RCAN1: variants seen among roughly 807,000 people sequenced by gnomAD.
RCAN1 encodes the protein regulator of calcineurin 1.
In RCAN1, 11 loss-of-function variants were observed where a neutral mutation model predicts 22.9. That is an observed-to-expected ratio of 0.48 (90% CI 0.30 to 0.79). The LOEUF (loss-of-function observed/expected upper bound fraction) is 0.79, where lower values mean the gene tolerates loss of function less well. Among genes scored for constraint, RCAN1 ranks in the 30% least tolerant of loss-of-function variants. The pLI, the probability that RCAN1 is intolerant of heterozygous loss-of-function variation, is 0.06. For synonymous variants in RCAN1, 136 were observed against 142.3 expected (o/e 0.96, Z 0.32); for missense variants, 291 against 337.8 (o/e 0.86, Z 1.09).
chr21:34,520,821 T>C (rs1342449532), intron 3 of RCAN1, among the ~76,000 whole-genome samples: 2 of 152,258 alleles, frequency 1.3e-5, no homozygotes, highest in Non-Finnish European at 2.9e-5. Context: ...TTTCACTCGA[T>C]GATCTCATCT....
In RCAN1 at chr21:34,615,101, C is replaced by T; in HGVS notation, c.-90G>A. On this transcript the variant is annotated 5_prime_UTR_variant, in exon 1 of 4. Transcript: ENST00000313806. ...CGCGCTCCGGTCCGCGCCCGGCCGG[C>T]GGCTCCGCCGTTAACCCCCTCGGAA... 1.0e-6 allele frequency: 1 copy of T among 986,268 alleles called. No homozygotes were observed. The highest frequency in any genetic ancestry group is 1.1e-4 in the East Asian group (1 of 9,116). The allele number at this position is 986,268 out of a possible 1,614,324, so 61.1% of individuals were successfully genotyped here.
intron 1 of RCAN1, among the ~76,000 whole-genome samples, chr21:34,571,690 G>T (rs1987238690): frequency 6.6e-6 from 1 of 152,060 alleles, no homozygotes; most frequent in Non-Finnish European, 1.5e-5. Flanking sequence ...TGAGTAGCTG[G>T]GACTACAGGT....
At chr21:34,565,920 A>G (rs1027614311) in intron 1 of RCAN1, among the ~76,000 whole-genome samples, 6 of 152,158 alleles carry the variant, frequency 3.9e-5, no homozygotes, top group African/African-American at 9.7e-5. Context: ...TTGCTCCCCA[A>G]TGTGTGTGTG....
chr21:34,565,697 C>T lies in RCAN1; in HGVS notation c.253-41987G>A, dbSNP rs538310980. On this transcript the variant is annotated intron_variant, in intron 1 of 3. Coordinates refer to ENST00000313806, the MANE Select transcript of RCAN1 (RefSeq NM_004414.7). ...CATAGCCCCAGAACTCTTTCCTGAC[C>T]AACACATTCATTTTTTGTCATTTTA... 2.0e-5 allele frequency among the ~76,000 whole-genome samples: 3 copies of T among 152,254 alleles called. No homozygotes were observed. In the South Asian group the frequency reaches 6.2e-4, roughly 32 times the overall value.
intron 1 of RCAN1, chr21:34,525,499 T>G: frequency 1.0e-6 from 1 of 956,216 alleles, no homozygotes; most frequent in Non-Finnish European, 1.5e-6. Flanking sequence ...ATTTGGAATT[T>G]TGTATGACCT....
chr21:34,573,536 G>T (rs62211899), intron 1 of RCAN1, among the ~76,000 whole-genome samples: 2 of 152,074 alleles, frequency 1.3e-5, no homozygotes, highest in Non-Finnish European at 2.9e-5. Flanking sequence ...GGGTCAAACT[G>T]CCAGTCACCA....
At chr21:34,552,654 T>C (rs1874392506) in intron 1 of RCAN1, among the ~76,000 whole-genome samples, 2 of 148,886 alleles carry the variant, frequency 1.3e-5, no homozygotes, top group African/African-American at 5.1e-5. Context: ...ACTGAATTAT[T>C]CCATTACATG....
chr21:34,563,790 T>TAGAGAGAGAGAGAG (rs1317228429), intron 1 of RCAN1, among the ~76,000 whole-genome samples: 1 of 84,346 alleles, frequency 1.2e-5, no homozygotes, highest in African/African-American at 5.0e-5. Context: ...TATATATATA[T>TAGAGAGAGAGAGAG]ATATAGAGAG....
intron 1 of RCAN1, among the ~76,000 whole-genome samples, chr21:34,612,533 C>T (rs1426457126): frequency 1.3e-5 from 2 of 152,228 alleles, no homozygotes; most frequent in African/African-American, 2.4e-5. Flanking sequence ...TTTATCCACA[C>T]TGTCCCCAGA....
In RCAN1 at chr21:34,521,592, G is replaced by A. The variant is rs1202693007; in HGVS notation, c.493C>T (p.Pro165Ser). Residue 165 changes from proline (P) to serine (S), a missense_variant, in exon 3 of 4, where the codon CCC becomes TCC. Coordinates refer to ENST00000313806, the MANE Select transcript of RCAN1 (RefSeq NM_004414.7). ...TTCCATCCCACTGGCGGAGAGGCGG[G>A]AGGGGAGATCAGAAACTGCTTGTCT... is the stretch of plus-strand genomic sequence containing the variant. ...NPDKQFLISPPASPPVGWKQV... is the reference protein window; with the variant it reads ...NPDKQFLISPSASPPVGWKQV... 1 of 1,614,206 alleles carries A rather than the reference G, an allele frequency of 6.2e-7. No individual in the cohort carries two copies. Among genetic ancestry groups the A allele is most frequent in the South Asian group, 1.1e-5 (1 of 91,072 alleles).
intron 1 of RCAN1, among the ~76,000 whole-genome samples, chr21:34,564,083 AC>A (rs1472748624): frequency 4.6e-5 from 7 of 152,060 alleles, no homozygotes; most frequent in Admixed American, 2.6e-4. Context: ...GGTGGAAGGC[AC>A]CCTTCACAGG....
intron 1 of RCAN1, among the ~76,000 whole-genome samples, chr21:34,545,746 C>G (rs1277120523): frequency 1.3e-5 from 2 of 152,208 alleles, no homozygotes; most frequent in African/African-American, 4.8e-5. Context: ...CAGCTTTCCC[C>G]CAGTCCTTGC....
rs375236816 is a variant in RCAN1, at chr21:34,518,074, G to A, written c.*10C>T. 1.5e-5 allele frequency: 25 copies of A among 1,613,826 alleles called. No individual in the cohort carries two copies. The highest frequency in any genetic ancestry group is 2.2e-5 in the East Asian group (1 of 44,890). ...GTATGATTTGGAATGCGTCCTCGTC[G>A]CGTGCCAGTTCAGCTGAGGTGGATC... On this transcript the variant is annotated 3_prime_UTR_variant, in exon 4 of 4. Transcript: ENST00000313806. The surrounding 1 kb of genome is among the most constrained non-coding windows in gnomAD (Gnocchi z 4.2).
intron 1 of RCAN1, among the ~76,000 whole-genome samples, chr21:34,589,775 C>T (rs1174267313): frequency 2.6e-5 from 4 of 152,128 alleles, no homozygotes; most frequent in Non-Finnish European, 4.4e-5. Flanking sequence ...CATCTTCTCC[C>T]ACCCTCGGGC....
At chr21:34,589,781 C>T (rs1200431577) in intron 1 of RCAN1, among the ~76,000 whole-genome samples, 7 of 152,102 alleles carry the variant, frequency 4.6e-5, no homozygotes, top group Non-Finnish European at 8.8e-5. Context: ...CTCCCACCCT[C>T]GGGCTGGGAT....
chr21:34,525,518 G>A (rs1601135574), intron 1 of RCAN1: 1 of 732,416 alleles, frequency 1.4e-6, no homozygotes, highest in Admixed American at 3.4e-5. Flanking sequence ...CTCATCAATA[G>A]GCACTGTGAC....
intron 1 of RCAN1, among the ~76,000 whole-genome samples, chr21:34,600,029 G>A (rs1220874649): frequency 1.3e-5 from 2 of 152,070 alleles, no homozygotes; most frequent in African/African-American, 2.4e-5. Context: ...CCTAAAGCAC[G>A]AGAACTGGCC....
At chr21:34,568,602 T>TA (rs1254080473) in intron 1 of RCAN1, among the ~76,000 whole-genome samples, 1 of 152,214 alleles carries the variant, frequency 6.6e-6, no homozygotes, top group African/African-American at 2.4e-5. Context: ...AATTGCATGC[T>TA]AATCATACGT....
chr21:34,551,156 A>G (rs1281653267), intron 1 of RCAN1, among the ~76,000 whole-genome samples: 1 of 152,230 alleles, frequency 6.6e-6, no homozygotes, highest in South Asian at 2.1e-4. Context: ...AGGCTTTTAA[A>G]GGCACCCGTG....
Sources: gnomAD v4.1 joint callset for allele counts (sites outside exome capture counted in the v4.1 genomes callset) on GRCh38, gnomAD v4.1.1 for gene constraint, Gnocchi (gnomAD v3.1) non-coding constraint, MANE v1.5 for transcripts, NCBI Gene and HGNC (gene_info 2026-07-23, HGNC 2026-07-21) for gene names.